ADGRL3: variants seen among roughly 807,000 people sequenced by gnomAD.
ADGRL3 encodes the protein adhesion G protein-coupled receptor L3, also known as calcium-independent alpha-latrotoxin receptor 3.
Under a neutral mutation model 153.5 loss-of-function variants are expected in ADGRL3, and 62 were observed. That is an observed-to-expected ratio of 0.40 (90% CI 0.33 to 0.50). The LOEUF (loss-of-function observed/expected upper bound fraction) is 0.50. ADGRL3 is among the 20% of genes least tolerant of loss of function. The pLI is 0.47. For synonymous variants in ADGRL3, 710 were observed against 672.5 expected (o/e 1.06, Z -0.86); for missense variants, 1,641 against 1,859.4 (o/e 0.88, Z 2.16).
At chr4:61,484,922 C>A (rs1328971376) in intron 2 of ADGRL3, among the ~76,000 whole-genome samples, 1 of 133,800 alleles carries the variant, frequency 7.5e-6, no homozygotes, top group Non-Finnish European at 1.7e-5. Flanking sequence ...CTATGTTGAA[C>A]TTATATTTTC....
At chr4:61,372,540 CG>C (rs1216955974) in intron 1 of ADGRL3, among the ~76,000 whole-genome samples, 1 of 152,198 alleles carries the variant, frequency 6.6e-6, no homozygotes, top group African/African-American at 2.4e-5. Flanking sequence ...TTAGGCTGCT[CG>C]GGGGTCAGGG....
chr4:62,002,455 T>C (rs2099143805), intron 21 of ADGRL3, among the ~76,000 whole-genome samples: 1 of 151,584 alleles, frequency 6.6e-6, no homozygotes, highest in Non-Finnish European at 1.5e-5. Context: ...ATTAACTTTT[T>C]AAAATTCTAA....
chr4:61,904,778 G>A (rs548036421), intron 11 of ADGRL3, among the ~76,000 whole-genome samples: 2 of 151,816 alleles, frequency 1.3e-5, no homozygotes, highest in African/African-American at 4.8e-5. Flanking sequence ...AATGATCATC[G>A]ATAGATGTAA....
chr4:61,591,778 A>AAG (rs142130461), intron 5 of ADGRL3, among the ~76,000 whole-genome samples: 1 of 151,238 alleles, frequency 6.6e-6, no homozygotes, highest in South Asian at 2.1e-4. Flanking sequence ...ACATGCAGAA[A>AAG]AGAGAGAGAG....
intron 9 of ADGRL3, among the ~76,000 whole-genome samples, chr4:61,859,858 C>T (rs1157316779): frequency 1.3e-5 from 2 of 152,240 alleles, no homozygotes; most frequent in African/African-American, 4.8e-5. Context: ...TTAAGGGAAA[C>T]AAGTCAGTGC....
At chr4:61,563,488 G>A (rs984697813) in intron 4 of ADGRL3, among the ~76,000 whole-genome samples, 8 of 152,146 alleles carry the variant, frequency 5.3e-5, no homozygotes, top group East Asian at 1.9e-4. Flanking sequence ...AAGTCAGCCC[G>A]TCCTTTGAAG....
intron 9 of ADGRL3, among the ~76,000 whole-genome samples, chr4:61,836,666 A>T (rs916570290): frequency 2.0e-5 from 3 of 152,094 alleles, no homozygotes; most frequent in Admixed American, 1.3e-4. Flanking sequence ...ATTCATGAAT[A>T]CTTATGGTAC....
At position 62,006,016 on chromosome 4, in the gene ADGRL3, A is replaced by ATG. The variant is rs1343742347; in HGVS notation, c.3395+7752_3395+7753insGT. On this transcript the variant is annotated intron_variant, in intron 21 of 26. Coordinates refer to ENST00000683033, the MANE Select transcript of ADGRL3 (RefSeq NM_001387552.1). The stretch of plus-strand genomic sequence containing the variant: ...CACACACACACACATATATATATAT[A>ATG]TATATATATATATATATTTTTTTTT... Among the ~76,000 whole-genome samples, 12 of 100,472 alleles carry ATG rather than the reference A, an allele frequency of 1.2e-4. No individual in the cohort carries two copies. In the South Asian group the frequency reaches 1.9e-3, roughly 16 times the overall value. The allele number at this position is 100,472 out of a possible 152,430, so 65.9% of individuals were successfully genotyped here. A position where few individuals can be genotyped will look rare whatever the true frequency, so the allele number is the denominator to read the frequency against.
At chr4:61,468,669 A>G (rs2097911971) in intron 2 of ADGRL3, among the ~76,000 whole-genome samples, 1 of 152,106 alleles carries the variant, frequency 6.6e-6, no homozygotes, top group Non-Finnish European at 1.5e-5. Context: ...TAGGACTAAG[A>G]TAATTATTAA....
At chr4:61,367,062 A>T (rs984447599) in intron 1 of ADGRL3, among the ~76,000 whole-genome samples, 1 of 152,156 alleles carries the variant, frequency 6.6e-6, no homozygotes, top group South Asian at 2.1e-4. Flanking sequence ...CTTTTATGTA[A>T]TTTAATTTGT....
intron 2 of ADGRL3, among the ~76,000 whole-genome samples, chr4:61,435,332 C>T (rs939170187): frequency 6.6e-6 from 1 of 151,928 alleles, no homozygotes; most frequent in African/African-American, 2.4e-5. Flanking sequence ...ATGATCATTA[C>T]TATAAATAAA....
chr4:61,341,042 A>G (rs1395420393), intron 1 of ADGRL3, among the ~76,000 whole-genome samples: 1 of 152,014 alleles, frequency 6.6e-6, no homozygotes, highest in Non-Finnish European at 1.5e-5. Flanking sequence ...AGTCTAATTT[A>G]TATCAGTTGT....
intron 1 of ADGRL3, among the ~76,000 whole-genome samples, chr4:61,215,697 G>C (rs1371729946): frequency 6.6e-6 from 1 of 151,618 alleles, no homozygotes; most frequent in African/African-American, 2.4e-5. Context: ...GACTGCAGGC[G>C]CCCGCCACCA....
At position 61,935,010 on chromosome 4, in the gene ADGRL3, T is replaced by C. The variant is rs734644; in HGVS notation, c.2283T>C (p.Asn761=). 1,183,942 of 1,612,898 alleles carry C rather than the reference T, an allele frequency of 0.73. 437,210 individuals are homozygous for C. The highest frequency in any genetic ancestry group is 0.8 in the African/African-American group (59,563 of 74,900). Residue 761 remains asparagine, a synonymous_variant, in exon 14 of 27, where the codon AAT becomes AAC. Coordinates refer to ENST00000683033, the MANE Select transcript of ADGRL3 (RefSeq NM_001387552.1). ...NLLKTDIVRE[N]TDNIKLEVAR... ...TGAAGACTGACATTGTCAGGGAGAA[T>C]ACAGACAATATTAGTAAGTGGCCTT...
intron 5 of ADGRL3, among the ~76,000 whole-genome samples, chr4:61,596,200 C>A (rs943175949): frequency 5.3e-5 from 8 of 152,152 alleles, no homozygotes; most frequent in African/African-American, 1.2e-4. Flanking sequence ...GCTGTTCCAG[C>A]AGAAGGGGAC....
At chr4:61,861,131 T>C (rs1561375121) in intron 9 of ADGRL3, among the ~76,000 whole-genome samples, 1 of 152,158 alleles carries the variant, frequency 6.6e-6, no homozygotes, top group African/African-American at 2.4e-5. Flanking sequence ...AAAACCAATT[T>C]CAGGATTACC....
intron 8 of ADGRL3, among the ~76,000 whole-genome samples, chr4:61,746,137 A>C (rs1447434011): frequency 6.6e-6 from 1 of 152,232 alleles, no homozygotes; most frequent in Admixed American, 6.5e-5. Context: ...TAAAGAGATC[A>C]ATTCAACAAG....
At position 62,070,251 on chromosome 4, in the gene ADGRL3, C is replaced by T. The variant is rs764425117; in HGVS notation, c.3975C>T (p.Asn1325=). ...VQIIDRGYNH[N]ETALEKKILK... ...TCATAGACCGTGGCTATAACCATAA[C>T]GAGACCGCCCTAGAGAAAAAGATTC... The change falls in exon 27 of 27, where the codon AAC becomes AAT. Residue 1325 remains asparagine, a synonymous_variant. Coordinates refer to ENST00000683033, the MANE Select transcript of ADGRL3 (RefSeq NM_001387552.1). The T allele has an allele frequency of 5.6e-6, 9 of 1,611,114 alleles. No individual in the cohort carries two copies. The highest frequency in any genetic ancestry group is 5.0e-5 in the Admixed American group (3 of 59,472).
intron 2 of ADGRL3, among the ~76,000 whole-genome samples, chr4:61,494,422 G>A (rs1055692840): frequency 2.0e-5 from 3 of 152,140 alleles, no homozygotes; most frequent in African/African-American, 7.2e-5. Flanking sequence ...AGAGCATTGT[G>A]ATCTTGTTCA....
Sources: gnomAD v4.1 joint callset for allele counts (sites outside exome capture counted in the v4.1 genomes callset) on GRCh38, gnomAD v4.1.1 for gene constraint, MANE v1.5 for transcripts, NCBI Gene and HGNC (gene_info 2026-07-23, HGNC 2026-07-21) for gene names.